Variants in PPP1R36 observed in about 807,000 individuals in gnomAD.
PPP1R36 encodes protein phosphatase 1 regulatory subunit 36.
Under a neutral mutation model 53.4 loss-of-function variants are expected in PPP1R36, and 47 were observed. The observed-to-expected ratio is 0.88, with a 90% confidence interval of 0.70 to 1.12. PPP1R36 has a LOEUF of 1.12. Among genes scored for constraint, PPP1R36 ranks in the 50% most tolerant of loss-of-function variants. The pLI, the probability that PPP1R36 is intolerant of heterozygous loss-of-function variation, is 0.00. For missense variants in PPP1R36, 456 were observed against 513.9 expected (o/e 0.89, Z 1.09); for synonymous variants, 153 against 170.5 (o/e 0.90, Z 0.80).
intron 3 of PPP1R36, among the ~76,000 whole-genome samples, chr14:64,563,038 G>C (rs1460314575): frequency 6.6e-6 from 1 of 151,948 alleles, no homozygotes; most frequent in Non-Finnish European, 1.5e-5. Flanking sequence ...GGCTAATTTT[G>C]TATTTTTAGT....
At chr14:64,558,640 T>G (rs2080178033) in intron 3 of PPP1R36, among the ~76,000 whole-genome samples, 1 of 94,576 alleles carries the variant, frequency 1.1e-5, no homozygotes, top group Non-Finnish European at 2.5e-5. Context: ...TTGTTTTGTC[T>G]TTTTTTTTTT....
chr14:64,563,023 C>T (rs1207355957), intron 3 of PPP1R36, among the ~76,000 whole-genome samples: 5 of 152,022 alleles, frequency 3.3e-5, no homozygotes, highest in African/African-American at 9.7e-5. Context: ...TGGGCCACCA[C>T]GCCTGGCTAA....
intron 8 of PPP1R36, among the ~76,000 whole-genome samples, chr14:64,579,954 A>G (rs939034718): frequency 6.6e-6 from 1 of 151,822 alleles, no homozygotes; most frequent in African/African-American, 2.4e-5. Flanking sequence ...TGGGCGACAG[A>G]GCGAGACTCC....
intron 8 of PPP1R36, among the ~76,000 whole-genome samples, chr14:64,584,731 A>G (rs559874024): frequency 6.6e-6 from 1 of 152,314 alleles, no homozygotes; most frequent in African/African-American, 2.4e-5. Flanking sequence ...CTTAAGTCTC[A>G]ACTTTAGTTT....
rs748020243 is a variant in PPP1R36, at chr14:64,583,055, C to CTA, written c.669-3762_669-3761dup. On this transcript the variant is annotated intron_variant, in intron 8 of 11. Coordinates refer to ENST00000298705, the MANE Select transcript of PPP1R36 (RefSeq NM_172365.3). Reference sequence around the variant, plus strand: ...ACAAGGCGTGTGCCACCACTCCCAGCTATATATATATATATATATATTTTT... The same window carrying CTA: ...ACAAGGCGTGTGCCACCACTCCCAGCTATATATATATATATATATATATTTTT... Among the ~76,000 whole-genome samples the CTA allele has an allele frequency of 4.6e-3, 647 of 141,570 alleles. 8 individuals are homozygous for CTA. Among genetic ancestry groups the CTA allele is most frequent in the African/African-American group, 0.01 (400 of 38,414 alleles). 92.9% of individuals were successfully genotyped at this position (141,570 alleles called of 152,430 possible).
chr14:64,589,164 G>C lies in PPP1R36; in HGVS notation c.1095G>C (p.Leu365Phe), dbSNP rs572692371. 1.2e-6 allele frequency: 2 copies of C among 1,611,380 alleles called. No individual in the cohort carries two copies. The highest frequency in any genetic ancestry group is 2.2e-5 in the East Asian group (1 of 44,836). The stretch of plus-strand genomic sequence containing the variant: ...ATTCTTTTCACAGAGTTGGCATCTT[G>C]GGGGAGCCTCGATGTCTATTCAACC... ...DSVPMPVVGI[L>F]GEPRCLFNPH... is the part of the protein sequence containing the mutation. The change falls in exon 12 of 12, where the codon TTG becomes TTC. Residue 365 changes from leucine (L) to phenylalanine (F), a missense_variant. By Grantham distance (22) the Leu-to-Phe change is conservative. Coordinates refer to ENST00000298705, the MANE Select transcript of PPP1R36 (RefSeq NM_172365.3).
chr14:64,550,823 G>A, intron 1 of PPP1R36, 98 bp from the exon 2 acceptor site: 1 of 836,386 alleles, frequency 1.2e-6, no homozygotes, highest in Non-Finnish European at 1.9e-6. Context: ...CTTAAAAGAT[G>A]TGTTAGTAAG....
At chr14:64,573,800 T>G (rs1344610273) in intron 7 of PPP1R36, among the ~76,000 whole-genome samples, 4 of 148,164 alleles carry the variant, frequency 2.7e-5, no homozygotes, top group Admixed American at 6.8e-5. Context: ...GTAATCCCAG[T>G]TACTCGGGAG....
At chr14:64,561,261 C>T (rs190355177) in intron 3 of PPP1R36, among the ~76,000 whole-genome samples, 20 of 152,204 alleles carry the variant, frequency 1.3e-4, no homozygotes, top group Non-Finnish European at 2.4e-4. Flanking sequence ...ATCCCTTTCC[C>T]CTCCCCCAGC....
At chr14:64,583,750 G>A (rs541808637) in intron 8 of PPP1R36, among the ~76,000 whole-genome samples, 1 of 135,412 alleles carries the variant, frequency 7.4e-6, no homozygotes, top group South Asian at 2.6e-4. Context: ...GGAGGCAGAG[G>A]TTGCGGTGAG....
At chr14:64,586,665 T>C in intron 8 of PPP1R36, 172 bp from the exon 9 acceptor site, 1 of 507,654 alleles carries the variant, frequency 2.0e-6, no homozygotes, top group Non-Finnish European at 3.5e-6. Flanking sequence ...ACGTAGGAGG[T>C]TGAATAAGAA....
intron 11 of PPP1R36, chr14:64,588,508 G>C (rs1014985169): frequency 4.7e-6 from 2 of 425,246 alleles, no homozygotes; most frequent in Non-Finnish European, 8.3e-6. Context: ...TTGCTAGAAA[G>C]TGGTGCTAGA....
intron 7 of PPP1R36, among the ~76,000 whole-genome samples, chr14:64,573,436 T>C (rs1349214879): frequency 6.6e-6 from 1 of 152,044 alleles, no homozygotes; most frequent in Non-Finnish European, 1.5e-5. Flanking sequence ...AGCTCAGTAG[T>C]GACATAGGGA....
rs2140239452 is a variant in PPP1R36, at chr14:64,574,711, T to C, written c.668+122T>C. On this transcript the variant is annotated intron_variant, in intron 8 of 11. Transcript: ENST00000298705. Reference sequence around the variant, plus strand: ...TCCTTTTTCTGTTGTCCAGAGTAATTGGGCTCAGGTGAGAATCTGTCCCAA... The same window carrying C: ...TCCTTTTTCTGTTGTCCAGAGTAATCGGGCTCAGGTGAGAATCTGTCCCAA... 3.8e-6 allele frequency: 4 copies of C among 1,044,862 alleles called. No homozygotes were observed. The South Asian group carries it at 6.4e-5, about 17-fold the overall frequency. 64.7% of individuals were successfully genotyped at this position (1,044,862 alleles called of 1,614,324 possible).
chr14:64,574,311 C>A, intron 7 of PPP1R36, 144 bp from the exon 8 acceptor site: 1 of 743,810 alleles, frequency 1.3e-6, no homozygotes, highest in Non-Finnish European at 2.1e-6. Context: ...GCTGTGATCG[C>A]ACCACTGCAC....
At chr14:64,573,892 C>T (rs1379290038) in intron 7 of PPP1R36, among the ~76,000 whole-genome samples, 5 of 105,186 alleles carry the variant, frequency 4.8e-5, no homozygotes, top group African/African-American at 1.9e-4. Context: ...CCAGCTTGGG[C>T]GACACAGCGA....
chr14:64,551,171 G>A (rs1337077064), intron 2 of PPP1R36, among the ~76,000 whole-genome samples, 186 bp downstream of exon 2: 1 of 152,216 alleles, frequency 6.6e-6, no homozygotes, highest in African/African-American at 2.4e-5. Flanking sequence ...ACCAGACACT[G>A]TGCTAATGTT....
At chr14:64,586,602 C>A in intron 8 of PPP1R36, 1 of 378,146 alleles carries the variant, frequency 2.6e-6, no homozygotes. Context: ...GTTTGTTTAC[C>A]CCAAATTTAT....
At position 64,587,257 on chromosome 14, in the gene PPP1R36, A is replaced by G. The variant is rs775916964; in HGVS notation, c.775A>G (p.Ile259Val). The change falls in exon 10 of 12, where the codon ATT becomes GTT. Residue 259 changes from isoleucine to valine, a missense_variant. By Grantham distance (29) the Ile-to-Val change is conservative (BLOSUM62 3). Transcript: ENST00000298705. Reference sequence around the variant, plus strand: ...CTTCCGACGTCAACACTTGACAGAGATTGAAGAAGAAGTAGGGAGACTCTT... The same window carrying G: ...CTTCCGACGTCAACACTTGACAGAGGTTGAAGAAGAAGTAGGGAGACTCTT... ...IVFRRQHLTE[I>V]EEEVGRLFRT... is the part of the protein sequence containing the mutation. 6.2e-7 allele frequency: 1 copy of G among 1,613,696 alleles called. No homozygotes were observed. The highest frequency in any genetic ancestry group is 1.7e-5 in the Admixed American group (1 of 59,984).
Sources: allele counts gnomAD v4.1 joint callset (sites outside exome capture counted in the v4.1 genomes callset), GRCh38; gene constraint gnomAD v4.1.1; transcripts MANE v1.5; gene names NCBI Gene and HGNC (gene_info 2026-07-23, HGNC 2026-07-21).